The following NKAP variants were observed in gnomAD, a reference collection of about 807,000 sequenced individuals.
NKAP encodes the protein NFKB activating protein, also known as NF-kappa-B-activating protein.
Under a neutral mutation model 35.6 loss-of-function variants are expected in NKAP, and 4 were observed. The observed-to-expected ratio is 0.11, with a 90% CI of 0.06 to 0.26. NKAP has a LOEUF of 0.26. Among genes scored for constraint, NKAP ranks in the 10% least tolerant of loss-of-function variants. The probability of loss-of-function intolerance (pLI) is 1.00; values close to 1 mark genes in which losing one functional copy is unlikely to be tolerated. For synonymous variants in NKAP, 106 were observed against 119.2 expected, an observed-to-expected ratio of 0.89 and a Z score of 0.72; for missense variants, 238 against 321.9, an observed-to-expected ratio of 0.74 and a Z score of 1.99.
chrX:119,930,105 T>C lies in NKAP; in HGVS notation c.984A>G (p.Gly328=). The change falls in exon 8 of 9, where the codon GGA becomes GGG. Residue 328 remains glycine (G), a synonymous_variant. Transcript: ENST00000371410. ...GAAMAEYVKA[G]KRIPRRGEIG... is the part of the protein sequence containing the mutation. ...TTTCACCTCTTCGTGGGATACGTTT[T>C]CCAGCTTTTACATATTCAGCCATAG... The C allele has an allele frequency of 8.3e-7, 1 of 1,210,332 alleles. No homozygotes were observed.
intron 4 of NKAP, 98 bp downstream of exon 4, chrX:119,936,199 G>T: frequency 2.1e-6 from 2 of 962,250 alleles, no homozygotes; most frequent in Non-Finnish European, 2.9e-6. Context: ...AAACTCTTCA[G>T]TATTATTATT....
chrX:119,935,963 C>T (rs2056764263), intron 4 of NKAP, among the ~76,000 whole-genome samples: 1 of 111,944 alleles, frequency 8.9e-6, no homozygotes, highest in Admixed American at 9.6e-5. Flanking sequence ...CTGACTTGGT[C>T]TGGTGCCATG....
Position 119,925,296 on chromosome X carries a change from C to T in NKAP, c.1172G>A (p.Arg391Gln). ...GGCCAGAATCTTGTTCTCTCTCTTT[C>T]GTCTCTCTTCTTGGTTAAAGGATGC... ...ALASFNQEER[R>Q]KRENKILASF... The change falls in exon 9 of 9, where the codon CGA (arginine) becomes CAA (glutamine). Residue 391 changes from arginine (R) to glutamine (Q), a missense_variant. Transcript: ENST00000371410. The T allele has an allele frequency of 2.5e-6, 3 of 1,211,037 alleles. No homozygotes were observed. Among genetic ancestry groups the T allele is most frequent in the Non-Finnish European group, 3.4e-6 (3 of 895,268 alleles).
At chrX:119,937,017 G>T (rs954542515) in intron 2 of NKAP, 1 of 131,642 alleles carries the variant, frequency 7.6e-6, no homozygotes. Flanking sequence ...AGAAACCACA[G>T]GGAAAAAGTA....
In NKAP at chrX:119,938,752, A is replaced by G; in HGVS notation, c.445T>C (p.Ser149Pro). 5.0e-6 allele frequency: 6 copies of G among 1,197,995 alleles called. No individual in the cohort carries two copies. Among genetic ancestry groups the G allele is most frequent in the Non-Finnish European group, 6.8e-6 (6 of 887,534 alleles). Residue 149 changes from serine (S) to proline (P), a missense_variant, in exon 2 of 9, where the codon TCT becomes CCT. Transcript: ENST00000371410. ...TACTCTGGTTCAGGATTCTTTGGAGAAAGTCCCCATACTTCAGGAGCTCCC... is the reference window on the plus strand; with the variant it reads ...TACTCTGGTTCAGGATTCTTTGGAGGAAGTCCCCATACTTCAGGAGCTCCC... Reference protein sequence around the residue: ...ELGAPEVWGLSPKNPEPDSDE... With the variant: ...ELGAPEVWGLPPKNPEPDSDE...
chrX:119,938,238 G>A (rs183207327), intron 2 of NKAP, among the ~76,000 whole-genome samples: 15 of 110,139 alleles, frequency 1.4e-4, no homozygotes, highest in South Asian at 3.9e-4. Flanking sequence ...AAAATTAGCC[G>A]GGCATGGTGG....
chrX:119,939,814 G>A (rs755833545), intron 1 of NKAP, among the ~76,000 whole-genome samples: 2 of 108,476 alleles, frequency 1.8e-5, no homozygotes, highest in African/African-American at 3.3e-5. Context: ...CAGGAGAATC[G>A]CTTAAACCCA....
chrX:119,942,348 C>T, intron 1 of NKAP, among the ~76,000 whole-genome samples: 1 of 111,045 alleles, frequency 9.0e-6, no homozygotes, highest in Admixed American at 9.6e-5. Flanking sequence ...GTGGTGCGCA[C>T]CTATAGTCCC....
At chrX:119,929,951 T>G in intron 8 of NKAP, 65 bp downstream of exon 8, 3 of 1,038,302 alleles carry the variant, frequency 2.9e-6, no homozygotes, top group Non-Finnish European at 3.9e-6. Flanking sequence ...CAAAATATAA[T>G]TCTGGTAGTA....
At chrX:119,927,600 C>T in intron 8 of NKAP, among the ~76,000 whole-genome samples, 1 of 112,274 alleles carries the variant, frequency 8.9e-6, no homozygotes, top group Non-Finnish European at 1.9e-5. Flanking sequence ...CCGCCTCAGC[C>T]TCCCAAAGTG....
At chrX:119,942,804 C>T (rs1165393975) in intron 1 of NKAP, 1 of 119,617 alleles carries the variant, frequency 8.4e-6, no homozygotes, top group Non-Finnish European at 1.7e-5. Context: ...GGTTGAGCGC[C>T]TATAAAGTAC....
rs2056699124 is a variant in NKAP at position 119,924,230 on chromosome X, T to C, written c.*990A>G. 2 of 110,954 alleles carry C rather than the reference T, an allele frequency of 1.8e-5. No individual in the cohort carries two copies. The highest frequency in any genetic ancestry group is 3.3e-5 in the African/African-American group (1 of 30,556). 9.1% of individuals were successfully genotyped at this position (110,954 alleles called of 1,213,427 possible). A position where few individuals can be genotyped will look rare whatever the true frequency, so the allele number is the denominator to read the frequency against. The stretch of plus-strand genomic sequence containing the variant: ...TAACACATTCAACACAGAGGAGTGA[T>C]AATTTCCCAAAAGTTCAGCTGGGGT... On this transcript the variant is annotated 3_prime_UTR_variant, in exon 9 of 9. Coordinates refer to ENST00000371410, the MANE Select transcript of NKAP (RefSeq NM_024528.4).
chrX:119,941,089 G>A (rs1207881309), intron 1 of NKAP, among the ~76,000 whole-genome samples: 1 of 107,565 alleles, frequency 9.3e-6, no homozygotes, highest in Admixed American at 1.0e-4. Context: ...GCAGTGAGCC[G>A]AGACTGCACC....
chrX:119,943,503 G>C lies in NKAP; in HGVS notation c.103C>G (p.Arg35Gly), dbSNP rs778476997. Reference protein sequence around the residue: ...SKSPKPSKSARSPRGRRSRSH... With the variant: ...SKSPKPSKSAGSPRGRRSRSH... The stretch of plus-strand genomic sequence containing the variant: ...CGAGAGCGGCGGCCCCGCGGGGAGC[G>C]GGCAGATTTGCTGGGCTTCGGACTC... Residue 35 changes from arginine to glycine, a missense_variant, in exon 1 of 9, where the codon CGC (arginine) becomes GGC (glycine). Around this residue, in one of 5 missense-constraint regions of NKAP, gnomAD observed 123 missense variants for 115.3 expected, o/e 1.07. Transcript: ENST00000371410. The C allele has an allele frequency of 1.7e-6, 2 of 1,211,503 alleles. No homozygotes were observed. Among genetic ancestry groups the C allele is most frequent in the South Asian group, 3.5e-5 (2 of 56,944 alleles).
intron 1 of NKAP, chrX:119,943,016 G>GCACT: frequency 8.9e-6 from 4 of 448,245 alleles, no homozygotes; most frequent in Non-Finnish European, 1.1e-5. Flanking sequence ...GGAGACCAGG[G>GCACT]CACTATATGA....
chrX:119,941,614 CTCTT>C (rs201292374), intron 1 of NKAP, among the ~76,000 whole-genome samples: 1,289 of 110,961 alleles, frequency 0.012, 7 homozygotes, highest in Non-Finnish European at 0.017. Context: ...TCCTGTTCTT[CTCTT>C]TGTTTTTTTT....
chrX:119,936,969 A>G, intron 2 of NKAP: 1 of 182,400 alleles, frequency 5.5e-6, no homozygotes, highest in Non-Finnish European at 1.0e-5. Context: ...ACATAGTACT[A>G]TTTAAACAAA....
intron 2 of NKAP, 101 bp from the exon 3 acceptor site, chrX:119,936,783 T>C: frequency 1.6e-6 from 1 of 609,256 alleles, no homozygotes; most frequent in Non-Finnish European, 2.7e-6. Context: ...ACAGCATCGA[T>C]TGTCCAAGAA....
chrX:119,940,752 TA>T (rs1466971178), intron 1 of NKAP, among the ~76,000 whole-genome samples: 1 of 112,260 alleles, frequency 8.9e-6, no homozygotes, highest in Non-Finnish European at 1.9e-5. Flanking sequence ...ACAGACAATT[TA>T]AAAGGTAACA....
Sources: gnomAD v4.1 joint callset for allele counts (sites outside exome capture counted in the v4.1 genomes callset) on GRCh38, gnomAD v4.1.1 for gene constraint, gnomAD v4.1.1 regional missense constraint, MANE v1.5 for transcripts, NCBI Gene and HGNC (gene_info 2026-07-23, HGNC 2026-07-21) for gene names.